C7: variants seen among roughly 807,000 people sequenced by gnomAD.
C7 encodes the protein complement component C7.
Under a neutral mutation model 104.8 loss-of-function variants are expected in C7, and 83 were observed. The observed-to-expected ratio is 0.79, with a 90% CI of 0.66 to 0.95. C7 has a LOEUF of 0.95. Ranked by LOEUF, C7 falls within the 40% of genes least tolerant of loss-of-function variation. C7 has a pLI of 0.00. For missense variants in C7, 1,070 were observed against 1,011.2 expected, an observed-to-expected ratio of 1.06 and a Z score of -0.79; for synonymous variants, 415 against 360.6, an observed-to-expected ratio of 1.15 and a Z score of -1.71.
chr5:40,979,555 A>G (rs1387629488), intron 16 of C7, among the ~76,000 whole-genome samples, 170 bp from the exon 17 acceptor site: 2 of 151,860 alleles, frequency 1.3e-5, no homozygotes, highest in Non-Finnish European at 2.9e-5. Flanking sequence ...TGAAGACCTA[A>G]GTGAGTTGGA....
intron 1 of C7, among the ~76,000 whole-genome samples, chr5:40,924,316 G>T (rs1739505934): frequency 6.6e-6 from 1 of 152,148 alleles, no homozygotes; most frequent in South Asian, 2.1e-4. Flanking sequence ...CCACATCCAG[G>T]ACATACTGCT....
At chr5:40,936,884 G>C (rs1739829119) in intron 5 of C7, among the ~76,000 whole-genome samples, 1 of 152,134 alleles carries the variant, frequency 6.6e-6, no homozygotes, top group African/African-American at 2.4e-5. Context: ...GATGAGAAGA[G>C]AGACAGAAGC....
intron 9 of C7, among the ~76,000 whole-genome samples, chr5:40,952,250 TACAGA>T (rs1191521635): frequency 6.6e-6 from 1 of 152,246 alleles, no homozygotes; most frequent in Non-Finnish European, 1.5e-5. Context: ...ATTCTCATTT[TACAGA>T]CAGGGACACT....
chr5:40,957,772 T>G (rs965178529), intron 10 of C7, among the ~76,000 whole-genome samples: 1 of 106,686 alleles, frequency 9.4e-6, no homozygotes, highest in Admixed American at 1.0e-4. Context: ...TTTTTTGTTT[T>G]TTTTTTTTTT....
chr5:40,928,819 TAAA>T (rs1230586872), intron 2 of C7, among the ~76,000 whole-genome samples, 184 bp downstream of exon 2: 1 of 152,200 alleles, frequency 6.6e-6, no homozygotes, highest in East Asian at 1.9e-4. Flanking sequence ...TTCTTTTACT[TAAA>T]GAAGAATAAT....
Position 40,959,574 on chromosome 5 carries a change from A to C in C7, c.1615A>C (p.Thr539Pro), listed in dbSNP as rs1269763687. Reference sequence around the variant, plus strand: ...GGGTGGGAGATCCTGCGTTGGAGAAACGACAGAAAGCACACAATGCGAAGA... The same window carrying C: ...GGGTGGGAGATCCTGCGTTGGAGAACCGACAGAAAGCACACAATGCGAAGA... ...SGGGRSCVGE[T>P]TESTQCEDEE... The change falls in exon 12 of 18, where the codon ACG (threonine) becomes CCG (proline). Residue 539 changes from threonine (T) to proline (P), a missense_variant. By Grantham distance (38) the Thr-to-Pro change is conservative (BLOSUM62 -1). Transcript: ENST00000313164. 1 of 1,608,960 alleles carries C rather than the reference A, an allele frequency of 6.2e-7. No homozygotes were observed. The highest frequency in any genetic ancestry group is 2.2e-5 in the East Asian group (1 of 44,850).
Position 40,962,074 on chromosome 5 carries a change from T to A in C7, c.1662-11T>A. 1 of 1,465,156 alleles carries A rather than the reference T, an allele frequency of 6.8e-7. No homozygotes were observed. The highest frequency in any genetic ancestry group is 9.2e-7 in the Non-Finnish European group (1 of 1,087,056). The allele number at this position is 1,465,156 out of a possible 1,614,324, so 90.8% of individuals were successfully genotyped here. A position where few individuals can be genotyped will look rare whatever the true frequency, so the allele number is the denominator to read the frequency against. On this transcript the variant is annotated splice_polypyrimidine_tract_variant and intron_variant, in intron 12 of 17. Coordinates refer to ENST00000313164, the MANE Select transcript of C7 (RefSeq NM_000587.4). Reference sequence around the variant, plus strand: ...AATCAATCACATTAATTACATTTTTTTTCCTTCCAGGTTGCTTGAACCACA... The same window carrying A: ...AATCAATCACATTAATTACATTTTTATTCCTTCCAGGTTGCTTGAACCACA...
In C7 at chr5:40,932,510, G is replaced by C. The variant is rs531594902; in HGVS notation, c.138+1371G>C. 7.2e-5 allele frequency among the ~76,000 whole-genome samples: 11 copies of C among 152,100 alleles called. No individual in the cohort carries two copies. The East Asian group carries it at 2.1e-3, about 29-fold the overall frequency. On this transcript the variant is annotated intron_variant, in intron 3 of 17. Coordinates refer to ENST00000313164, the MANE Select transcript of C7 (RefSeq NM_000587.4). Reference sequence around the variant, plus strand: ...ATCACTTTTAATTATTAAAATAACAGAATCATACCATAGAAGATAATTATT... The same window carrying C: ...ATCACTTTTAATTATTAAAATAACACAATCATACCATAGAAGATAATTATT...
At chr5:40,922,424 G>A (rs1486299362) in intron 1 of C7, among the ~76,000 whole-genome samples, 1 of 139,886 alleles carries the variant, frequency 7.1e-6, no homozygotes, top group Non-Finnish European at 1.5e-5. Context: ...CTCGGGGCTT[G>A]GGCGCAGTGG....
intron 14 of C7, among the ~76,000 whole-genome samples, chr5:40,965,824 G>T (rs1740539174): frequency 6.6e-6 from 1 of 151,492 alleles, no homozygotes; most frequent in South Asian, 2.1e-4. Context: ...TGTATTTTTA[G>T]TAGAGACAGG....
chr5:40,953,115 A>G (rs1231550576), intron 9 of C7, among the ~76,000 whole-genome samples: 3 of 152,108 alleles, frequency 2.0e-5, no homozygotes, highest in Non-Finnish European at 2.9e-5. Flanking sequence ...AAAAAGTGTT[A>G]CTGTATATAT....
intron 6 of C7, among the ~76,000 whole-genome samples, chr5:40,941,122 C>T (rs1317878113): frequency 1.3e-5 from 2 of 149,464 alleles, no homozygotes; most frequent in Non-Finnish European, 3.0e-5. Context: ...GGAGTGCAGT[C>T]GTGTGATCTC....
intron 16 of C7, among the ~76,000 whole-genome samples, chr5:40,978,873 A>ATTTTT (rs372551834): frequency 0.022 from 1,772 of 79,884 alleles, 59 homozygotes; most frequent in African/African-American, 0.064. Flanking sequence ...TTTTATGGAA[A>ATTTTT]TTTTTTTTTT....
At chr5:40,964,641 C>A in intron 13 of C7, 100 bp from the exon 14 acceptor site, 1 of 1,022,740 alleles carries the variant, frequency 9.8e-7, no homozygotes, top group South Asian at 1.6e-5. Context: ...ATGTAGCTTG[C>A]CTGATGATTA....
At chr5:40,910,573 T>C (rs1739185916) in intron 1 of C7, among the ~76,000 whole-genome samples, 1 of 152,090 alleles carries the variant, frequency 6.6e-6, no homozygotes, top group Admixed American at 6.6e-5. Context: ...TTTAAAGTTA[T>C]GATGGGCAGT....
chr5:40,922,662 C>G (rs1322677685), intron 1 of C7, among the ~76,000 whole-genome samples: 11 of 147,804 alleles, frequency 7.4e-5, no homozygotes, highest in Admixed American at 2.7e-4. Flanking sequence ...GATCGCACTA[C>G]TGCACTCCAG....
chr5:40,965,037 G>A (rs945702586), intron 14 of C7, among the ~76,000 whole-genome samples, 164 bp downstream of exon 14: 11 of 152,258 alleles, frequency 7.2e-5, no homozygotes, highest in Admixed American at 3.9e-4. Context: ...TAAGCCCTCC[G>A]CCTTCTCTAG....
At chr5:40,959,190 A>T (rs1740368280) in intron 11 of C7, among the ~76,000 whole-genome samples, 1 of 152,242 alleles carries the variant, frequency 6.6e-6, no homozygotes, top group Non-Finnish European at 1.5e-5. Flanking sequence ...CGTACGTAAA[A>T]GTGCTTTGAA....
chr5:40,958,508 G>C (rs1386751948), intron 11 of C7, among the ~76,000 whole-genome samples: 1 of 152,182 alleles, frequency 6.6e-6, no homozygotes, highest in East Asian at 1.9e-4. Context: ...TATTAGAATA[G>C]AGTTATGATT....
Sources: gnomAD v4.1 joint callset for allele counts (sites outside exome capture counted in the v4.1 genomes callset) on GRCh38, gnomAD v4.1.1 for gene constraint, MANE v1.5 for transcripts, NCBI Gene and HGNC (gene_info 2026-07-23, HGNC 2026-07-21) for gene names.